The following ROBO1 variants were observed in gnomAD, a reference collection of about 807,000 sequenced individuals.
The protein encoded by ROBO1 is roundabout guidance receptor 1.
A neutral mutation model predicts 195.9 loss-of-function variants in ROBO1; 149 were observed. That is an observed-to-expected ratio of 0.76 (90% CI 0.67 to 0.87). The LOEUF (loss-of-function observed/expected upper bound fraction) is 0.87. Among genes scored for constraint, ROBO1 ranks in the 40% least tolerant of loss-of-function variants. The pLI is 0.00. For synonymous variants in ROBO1, 816 were observed against 733.2 expected, an observed-to-expected ratio of 1.11 and a Z score of -1.82; for missense variants, 1,933 against 2,068.3, an observed-to-expected ratio of 0.93 and a Z score of 1.27.
chr3:79,181,817 T>A (rs2081345403), intron 2 of ROBO1, among the ~76,000 whole-genome samples: 2 of 151,688 alleles, frequency 1.3e-5, no homozygotes, highest in African/African-American at 4.8e-5. Flanking sequence ...TCCCAGCTAC[T>A]TGGGAGGCTG....
chr3:78,696,589 T>A (rs1401822449), intron 8 of ROBO1, among the ~76,000 whole-genome samples: 1 of 150,964 alleles, frequency 6.6e-6, no homozygotes, highest in Non-Finnish European at 1.5e-5. Context: ...CTGCCACAAA[T>A]AGTTGTTTAA....
At chr3:78,929,288 G>T (rs1271898197) in intron 4 of ROBO1, among the ~76,000 whole-genome samples, 1 of 152,030 alleles carries the variant, frequency 6.6e-6, no homozygotes, top group Non-Finnish European at 1.5e-5. Flanking sequence ...TTAGGCCCCA[G>T]ATAACCAGAT....
At chr3:79,002,566 C>T (rs958330869) in intron 3 of ROBO1, among the ~76,000 whole-genome samples, 4 of 152,068 alleles carry the variant, frequency 2.6e-5, no homozygotes, top group African/African-American at 7.2e-5. Flanking sequence ...GCCAGCCAGA[C>T]ACACAAAATG....
intron 2 of ROBO1, among the ~76,000 whole-genome samples, chr3:79,203,775 A>T (rs2081812226): frequency 6.6e-6 from 1 of 152,186 alleles, no homozygotes; most frequent in African/African-American, 2.4e-5. Context: ...CCAGAGGTGC[A>T]GAGGATTAGG....
In ROBO1 at chr3:78,631,177, T is replaced by C. The variant is rs1705156960; in HGVS notation, c.3610A>G (p.Ile1204Val). 1.2e-6 allele frequency: 2 copies of C among 1,611,878 alleles called. No homozygotes were observed. The highest frequency in any genetic ancestry group is 1.7e-6 in the Non-Finnish European group (2 of 1,178,966). ...PPHSNSEEYN[I>V]SVDESYDQEM... The stretch of plus-strand genomic sequence containing the variant: ...TCCTCTTACCTTTCATCTACAGAAA[T>C]GTTGTACTCTTCGCTATTGCTGTGT... Residue 1204 changes from isoleucine to valine, a missense_variant, in exon 25 of 31, where the codon ATT becomes GTT. Ile to Val is a conservative substitution (Grantham distance 29). Transcript: ENST00000464233.
chr3:78,661,297 TTATTG>T, intron 15 of ROBO1, 36 bp from the exon 16 acceptor site: 1 of 1,254,622 alleles, frequency 8.0e-7, no homozygotes, highest in Non-Finnish European at 1.1e-6. Context: ...ATTATTCATA[TTATTG>T]TATTGGTTCA....
chr3:79,253,131 A>T (rs1215132521), intron 2 of ROBO1, among the ~76,000 whole-genome samples: 2 of 152,326 alleles, frequency 1.3e-5, no homozygotes, highest in East Asian at 3.9e-4. Context: ...GAAATTCAAT[A>T]CAAATCAATT....
intron 2 of ROBO1, among the ~76,000 whole-genome samples, chr3:79,214,015 G>A (rs1041412505): frequency 3.3e-5 from 5 of 151,580 alleles, no homozygotes; most frequent in South Asian, 2.1e-4. Context: ...TAGTAGAGAC[G>A]GGATTTCACC....
At chr3:78,625,379 T>A (rs556361283) in intron 26 of ROBO1, among the ~76,000 whole-genome samples, 1 of 152,206 alleles carries the variant, frequency 6.6e-6, no homozygotes, top group African/African-American at 2.4e-5. Flanking sequence ...TTTTAAAACA[T>A]TGGTCAAATA....
chr3:79,709,775 A>C (rs1005437823), intron 1 of ROBO1, among the ~76,000 whole-genome samples: 2 of 152,152 alleles, frequency 1.3e-5, no homozygotes, highest in Non-Finnish European at 2.9e-5. Context: ...GGTGGTAATT[A>C]CATCATCACT....
At chr3:79,605,444 T>G (rs571294398) in intron 1 of ROBO1, among the ~76,000 whole-genome samples, 3 of 152,070 alleles carry the variant, frequency 2.0e-5, no homozygotes, top group Non-Finnish European at 4.4e-5. Flanking sequence ...TGTGACATCT[T>G]CATTCTCCTG....
chr3:79,596,840 T>G (rs1320871162), intron 1 of ROBO1, among the ~76,000 whole-genome samples: 1 of 151,930 alleles, frequency 6.6e-6, no homozygotes, highest in Non-Finnish European at 1.5e-5. Flanking sequence ...AAGATGAAGC[T>G]CAGCACAAAT....
chr3:79,156,851 G>A (rs75867082), intron 2 of ROBO1, among the ~76,000 whole-genome samples: 3,308 of 151,820 alleles, frequency 0.022, 106 homozygotes, highest in African/African-American at 0.071. Context: ...GAATTAGGGC[G>A]TCTACAGATT....
At chr3:79,192,137 C>T (rs1287963784) in intron 2 of ROBO1, among the ~76,000 whole-genome samples, 1 of 151,502 alleles carries the variant, frequency 6.6e-6, no homozygotes, top group Non-Finnish European at 1.5e-5. Context: ...AATATATCCC[C>T]ACATTTGAAC....
At chr3:79,362,103 A>T (rs546539140) in intron 2 of ROBO1, among the ~76,000 whole-genome samples, 85 of 152,226 alleles carry the variant, frequency 5.6e-4, no homozygotes, top group South Asian at 1.5e-3. Flanking sequence ...CAAGCCTATG[A>T]TAATTACACC....
chr3:79,642,599 T>A (rs1202507953), intron 1 of ROBO1, among the ~76,000 whole-genome samples: 1 of 152,124 alleles, frequency 6.6e-6, no homozygotes, highest in African/African-American at 2.4e-5. Context: ...CCATATAGAC[T>A]AAGAAGAAGT....
chr3:78,761,695 A>G (rs2083109569), intron 4 of ROBO1, among the ~76,000 whole-genome samples: 1 of 152,194 alleles, frequency 6.6e-6, no homozygotes, highest in African/African-American at 2.4e-5. Flanking sequence ...TGATCATTTT[A>G]GCTATCAATT....
chr3:78,649,880 T>G (rs1706538369), intron 19 of ROBO1, among the ~76,000 whole-genome samples: 1 of 152,144 alleles, frequency 6.6e-6, no homozygotes, highest in South Asian at 2.1e-4. Flanking sequence ...AAAGAAACAT[T>G]TCAGTAGGAA....
intron 3 of ROBO1, among the ~76,000 whole-genome samples, chr3:78,996,090 T>A (rs941716901): frequency 8.6e-5 from 13 of 152,014 alleles, no homozygotes; most frequent in African/African-American, 2.9e-4. Context: ...TATGAAAAAA[T>A]TTCAATTTTT....
Sources: gnomAD v4.1 joint callset for allele counts (sites outside exome capture counted in the v4.1 genomes callset) on GRCh38, gnomAD v4.1.1 for gene constraint, MANE v1.5 for transcripts, NCBI Gene and HGNC (gene_info 2026-07-23, HGNC 2026-07-21) for gene names.